AHI1: variants seen among roughly 807,000 people sequenced by gnomAD.
AHI1 encodes Abelson helper integration site 1, also known as jouberin.
Under a neutral mutation model 149.3 loss-of-function variants are expected in AHI1, and 123 were observed. The ratio of observed to expected loss-of-function variants is 0.82; its 90% CI spans 0.71 to 0.96. The LOEUF (loss-of-function observed/expected upper bound fraction) is 0.96, where lower values mean the gene tolerates loss of function less well. Among genes scored for constraint, AHI1 ranks in the 40% least tolerant of loss-of-function variants. AHI1 has a pLI of 0.00. For missense variants in AHI1, 1,439 were observed against 1,422.7 expected, an observed-to-expected ratio of 1.01 and a Z score of -0.18; for synonymous variants, 475 against 459.8, an observed-to-expected ratio of 1.03 and a Z score of -0.42.
chr6:135,415,229 T>C (rs1782199400), intron 20 of AHI1, among the ~76,000 whole-genome samples: 2 of 152,068 alleles, frequency 1.3e-5, no homozygotes, highest in South Asian at 4.1e-4. Flanking sequence ...GACATTTGGG[T>C]TGGTTCCAAG....
intron 26 of AHI1, chr6:135,302,446 C>T (rs2223802): frequency 0.93 from 928,358 of 999,522 alleles, 431,286 homozygotes; most frequent in East Asian, 0.98. Flanking sequence ...TTCTGCTAAG[C>T]CTGTTCATGT....
At chr6:135,462,679 T>C (rs1263473847) in intron 8 of AHI1, among the ~76,000 whole-genome samples, 1 of 152,048 alleles carries the variant, frequency 6.6e-6, no homozygotes, top group African/African-American at 2.4e-5. Context: ...GGCAGGTGGA[T>C]CACTTGAGGT....
chr6:135,467,737 T>C, intron 5 of AHI1, 103 bp from the exon 6 acceptor site: 1 of 742,328 alleles, frequency 1.3e-6, no homozygotes, highest in South Asian at 2.6e-5. Flanking sequence ...GGGAAAATTA[T>C]TTAGTTTTTT....
At chr6:135,463,937 C>T (rs1290311471) in intron 7 of AHI1, among the ~76,000 whole-genome samples, 1 of 151,902 alleles carries the variant, frequency 6.6e-6, no homozygotes. Context: ...TAGAGATGGA[C>T]TTTCACTATG....
chr6:135,496,839 C>T (rs6928230), intron 2 of AHI1, among the ~76,000 whole-genome samples: 137,339 of 152,270 alleles, frequency 0.9, 62,225 homozygotes, highest in Middle Eastern at 0.96. Flanking sequence ...AATATTATTC[C>T]TCATAAACAA....
chr6:135,357,443 A>G (rs2128435495), intron 24 of AHI1, among the ~76,000 whole-genome samples: 1 of 152,342 alleles, frequency 6.6e-6, no homozygotes, highest in South Asian at 2.1e-4. Context: ...CCAAAATCCA[A>G]AACACTTCTG....
At position 135,402,383 on chromosome 6, in the gene AHI1, G is replaced by A. The variant is rs553453018; in HGVS notation, c.2988+2568C>T. On this transcript the variant is annotated intron_variant, in intron 22 of 28. Coordinates refer to ENST00000265602, the MANE Select transcript of AHI1 (RefSeq NM_001134831.2). ...ACTTATACACACAATGTTTGTAGGA[G>A]TATTATCTTAATAGCTAAAAAGTAG... 4.6e-5 allele frequency among the ~76,000 whole-genome samples: 7 copies of A among 152,272 alleles called. No individual in the cohort carries two copies. The South Asian group carries it at 1.5e-3, about 32-fold the overall frequency.
chr6:135,474,567 CTG>C (rs1490029671), intron 5 of AHI1: 2 of 151,886 alleles, frequency 1.3e-5, no homozygotes, highest in South Asian at 2.1e-4. Context: ...CTGTAACTGA[CTG>C]TGAAAAATCC....
At chr6:135,489,930 A>G in intron 5 of AHI1, 1 of 370,928 alleles carries the variant, frequency 2.7e-6, no homozygotes, top group Non-Finnish European at 4.8e-6. Context: ...CATTTACACA[A>G]GAGCCTGTTT....
rs144108397 is a variant in AHI1, at chr6:135,454,358, T to C, written c.1345-922A>G. 1.7e-3 allele frequency among the ~76,000 whole-genome samples: 263 copies of C among 152,262 alleles called. 2 individuals carry two copies. The highest frequency in any genetic ancestry group is 5.9e-3 in the African/African-American group (244 of 41,558). On this transcript the variant is annotated intron_variant, in intron 10 of 28. Transcript: ENST00000265602. ...TGTCAATACATACACATGAATACCGTAATGTTAATGACTGCCTACTATTCT... is the reference window on the plus strand; with the variant it reads ...TGTCAATACATACACATGAATACCGCAATGTTAATGACTGCCTACTATTCT...
chr6:135,324,875 G>A, intron 24 of AHI1, among the ~76,000 whole-genome samples: 1 of 152,154 alleles, frequency 6.6e-6, no homozygotes, highest in South Asian at 2.1e-4. Flanking sequence ...CAATTCTAAC[G>A]AATGAGTTTG....
At position 135,455,783 on chromosome 6, in the gene AHI1, TA is replaced by T; in HGVS notation, c.1294del (p.Tyr432IlefsTer22). The T allele has an allele frequency of 6.2e-7, 1 of 1,603,620 alleles. No homozygotes were observed. On this transcript the variant is annotated frameshift_variant, in exon 10 of 29. Transcript: ENST00000265602. LOFTEE classifies it high-confidence loss of function. Reference sequence around the variant, plus strand: ...ACTCTCATCAGAGCCTCGAAGCAAATAGGGAAAATTTTCATTAAATACAATT... The same window carrying T: ...ACTCTCATCAGAGCCTCGAAGCAAATGGGAAAATTTTCATTAAATACAATT... ...EQIVFNENFP[Y>X]LLRGSDESPK...
At chr6:135,373,116 T>C (rs764957869) in intron 23 of AHI1, among the ~76,000 whole-genome samples, 2 of 152,248 alleles carry the variant, frequency 1.3e-5, no homozygotes, top group Non-Finnish European at 2.9e-5. Flanking sequence ...TTGGTAATGT[T>C]CCTAAACTTA....
At chr6:135,482,999 C>A (rs1010179996) in intron 5 of AHI1, among the ~76,000 whole-genome samples, 2 of 149,744 alleles carry the variant, frequency 1.3e-5, no homozygotes, top group Admixed American at 1.3e-4. Flanking sequence ...TCAAGTAATT[C>A]TCCTGCCTCG....
At chr6:135,301,803 A>G in intron 26 of AHI1, 1 of 985,450 alleles carries the variant, frequency 1.0e-6, no homozygotes, top group Non-Finnish European at 1.2e-6. Context: ...GTTTGGGAAA[A>G]AAGTACATAC....
intron 5 of AHI1, among the ~76,000 whole-genome samples, chr6:135,488,987 G>A (rs150592269): frequency 1.3e-4 from 20 of 152,210 alleles, no homozygotes; most frequent in African/African-American, 3.9e-4. Flanking sequence ...TAATTTCGTC[G>A]TTTGTATTAA....
chr6:135,428,885 G>A, intron 18 of AHI1, 126 bp from the exon 19 acceptor site: 2 of 800,306 alleles, frequency 2.5e-6, no homozygotes, highest in Non-Finnish European at 3.8e-6. Context: ...CTGCCATATG[G>A]GAGACATTCT....
Position 135,431,293 on chromosome 6 carries a change from TCTC to T in AHI1, c.2285_2287del (p.Gly762del). The T allele has an allele frequency of 6.2e-7, 1 of 1,603,678 alleles. No individual in the cohort carries two copies. Among genetic ancestry groups the T allele is most frequent in the African/African-American group, 1.3e-5 (1 of 74,838 alleles). On this transcript the variant is annotated inframe_deletion, in exon 17 of 29. Coordinates refer to ENST00000265602, the MANE Select transcript of AHI1 (RefSeq NM_001134831.2). ...CCAAACAACAATCACCCCTGTACAATCTCCTGAATACATATGATGACCTATTTA... is the reference window on the plus strand; with the variant it reads ...CCAAACAACAATCACCCCTGTACAATCTGAATACATATGATGACCTATTTA...
At chr6:135,338,024 G>A (rs59843059) in intron 24 of AHI1, among the ~76,000 whole-genome samples, 118 of 152,118 alleles carry the variant, frequency 7.8e-4, no homozygotes, top group Middle Eastern at 3.4e-3. Flanking sequence ...CTGGCTGGGC[G>A]CGGTGGCTCA....
Sources: gnomAD v4.1 joint callset for allele counts (sites outside exome capture counted in the v4.1 genomes callset) on GRCh38, gnomAD v4.1.1 for gene constraint, MANE v1.5 for transcripts, NCBI Gene and HGNC (gene_info 2026-07-23, HGNC 2026-07-21) for gene names.